Variants in WWOX observed in about 807,000 individuals in gnomAD.
The protein encoded by WWOX is WW domain containing oxidoreductase.
WWOX carries 69 observed loss-of-function variants against 46.2 expected under a neutral mutation model. The observed-to-expected ratio is 1.49, with a 90% CI of 1.23 to 1.82. The LOEUF (loss-of-function observed/expected upper bound fraction) is 1.82, where lower values mean the gene tolerates loss of function less well. WWOX is among the 40% of genes most tolerant of loss of function. The probability of loss-of-function intolerance (pLI) is 0.00; values close to 1 mark genes in which losing one functional copy is unlikely to be tolerated. For synonymous variants in WWOX, 359 were observed against 202.6 expected, an observed-to-expected ratio of 1.77 and a Z score of -6.56; for missense variants, 919 against 542.6, an observed-to-expected ratio of 1.69 and a Z score of -6.89.
At chr16:78,111,513 C>A (rs1048746402) in intron 3 of WWOX, among the ~76,000 whole-genome samples, 4 of 152,168 alleles carry the variant, frequency 2.6e-5, no homozygotes, top group African/African-American at 9.7e-5. Context: ...GCTCCTTGGT[C>A]AAGCGGTAAC....
At chr16:78,330,289 T>A (rs905908252) in intron 5 of WWOX, among the ~76,000 whole-genome samples, 6 of 152,178 alleles carry the variant, frequency 3.9e-5, no homozygotes, top group Non-Finnish European at 7.4e-5. Context: ...ATAAATTTTG[T>A]TACGTATATT....
At chr16:78,640,665 A>G (rs374710347) in intron 8 of WWOX, among the ~76,000 whole-genome samples, 1 of 152,148 alleles carries the variant, frequency 6.6e-6, no homozygotes, top group Non-Finnish European at 1.5e-5. Context: ...GGGGCCGGGC[A>G]TGGTGGCTCA....
At chr16:78,198,786 T>A (rs1005926502) in intron 5 of WWOX, among the ~76,000 whole-genome samples, 9 of 150,966 alleles carry the variant, frequency 6.0e-5, no homozygotes, top group African/African-American at 1.5e-4. Flanking sequence ...TGTAAACATT[T>A]TATATATATA....
intron 8 of WWOX, among the ~76,000 whole-genome samples, chr16:78,695,270 A>G (rs2048074420): frequency 6.6e-6 from 1 of 152,032 alleles, no homozygotes; most frequent in Non-Finnish European, 1.5e-5. Flanking sequence ...AGGCAATCAC[A>G]TATTTTAGGT....
chr16:78,153,194 A>C (rs1455718573), intron 4 of WWOX, among the ~76,000 whole-genome samples: 2 of 152,236 alleles, frequency 1.3e-5, no homozygotes, highest in Non-Finnish European at 2.9e-5. Flanking sequence ...CTACAGAAAC[A>C]GAGGTATGGA....
chr16:78,455,477 C>G lies in WWOX; in HGVS notation c.1056+22725C>G, dbSNP rs183291545. ...CCAAAATGGTGAAATGCCATCTCTA[C>G]TAAAAACACAAAAATTAGCTGGGTG... On this transcript the variant is annotated intron_variant, in intron 8 of 8. Transcript: ENST00000566780. 2.8e-4 allele frequency among the ~76,000 whole-genome samples: 42 copies of G among 151,634 alleles called. No homozygotes were observed. In the East Asian group the frequency reaches 7.0e-3, roughly 25 times the overall value.
chr16:78,384,835 T>A (rs184425740), intron 5 of WWOX, among the ~76,000 whole-genome samples: 1 of 152,160 alleles, frequency 6.6e-6, no homozygotes, highest in South Asian at 2.1e-4. Flanking sequence ...CTACCACCTT[T>A]CCTTAAAACT....
intron 4 of WWOX, among the ~76,000 whole-genome samples, chr16:78,149,077 G>T (rs1038913865): frequency 4.0e-5 from 6 of 151,870 alleles, no homozygotes; most frequent in African/African-American, 1.5e-4. Context: ...CTGTAACCTC[G>T]AATTCCTAAG....
In WWOX at chr16:78,483,056, C is replaced by T. The variant is rs11864836; in HGVS notation, c.1056+50304C>T. ...AGGGGTCCCTAGACATGAAGGGCCT[C>T]TTCAACCTACCTTTTGTTGGCTTCA... On this transcript the variant is annotated intron_variant, in intron 8 of 8. Transcript: ENST00000566780. Among the ~76,000 whole-genome samples the T allele has an allele frequency of 7.5e-4, 114 of 152,266 alleles. 1 individual carries two copies. The highest frequency in any genetic ancestry group is 2.6e-3 in the African/African-American group (109 of 41,556).
chr16:78,520,027 C>A (rs1270564695), intron 8 of WWOX, among the ~76,000 whole-genome samples: 2 of 152,174 alleles, frequency 1.3e-5, no homozygotes, highest in Admixed American at 6.5e-5. Flanking sequence ...CATACTGTGA[C>A]CATGCAGTCA....
At chr16:78,592,333 C>A (rs1051187348) in intron 8 of WWOX, among the ~76,000 whole-genome samples, 1 of 152,146 alleles carries the variant, frequency 6.6e-6, no homozygotes. Context: ...AGCATGATAA[C>A]AAATAAACAT....
chr16:78,852,722 G>T (rs528270835), intron 8 of WWOX, among the ~76,000 whole-genome samples: 1 of 152,136 alleles, frequency 6.6e-6, no homozygotes, highest in Non-Finnish European at 1.5e-5. Context: ...GCCCATATGC[G>T]CTGCCTACAG....
At chr16:78,978,073 C>A (rs1312907875) in intron 8 of WWOX, among the ~76,000 whole-genome samples, 1 of 152,202 alleles carries the variant, frequency 6.6e-6, no homozygotes, top group East Asian at 1.9e-4. Context: ...TACCTTCTGT[C>A]TCAGTAGGTT....
intron 8 of WWOX, among the ~76,000 whole-genome samples, chr16:79,113,993 C>T (rs1004510334): frequency 6.6e-5 from 10 of 152,120 alleles, no homozygotes; most frequent in East Asian, 3.9e-4. Flanking sequence ...GCGATGTGCT[C>T]GCATGGCACA....
chr16:78,653,495 A>G lies in WWOX; in HGVS notation c.1056+220743A>G, dbSNP rs556992637. Among the ~76,000 whole-genome samples, 22 of 152,348 alleles carry G rather than the reference A, an allele frequency of 1.4e-4. 1 individual carries two copies. The South Asian group carries it at 3.3e-3, about 23-fold the overall frequency. On this transcript the variant is annotated intron_variant, in intron 8 of 8. Transcript: ENST00000566780. The stretch of plus-strand genomic sequence containing the variant: ...TAGGTATGTGACCCAGTTCTGACCA[A>G]TGGATATGGAGGGTGCTTATGAGGA...
intron 8 of WWOX, among the ~76,000 whole-genome samples, chr16:78,630,655 T>G (rs554571823): frequency 6.6e-6 from 1 of 152,182 alleles, no homozygotes; most frequent in Non-Finnish European, 1.5e-5. Flanking sequence ...ATTCACCATT[T>G]CCCTGTGCTC....
intron 8 of WWOX, among the ~76,000 whole-genome samples, chr16:79,193,102 G>T (rs899696043): frequency 1.3e-5 from 2 of 152,206 alleles, no homozygotes; most frequent in African/African-American, 4.8e-5. Context: ...GGCAAGGCCA[G>T]CACTTTCCAT....
intron 8 of WWOX, among the ~76,000 whole-genome samples, chr16:78,860,338 C>G (rs1482023428): frequency 2.6e-5 from 4 of 152,192 alleles, no homozygotes; most frequent in Admixed American, 6.5e-5. Context: ...AATTCCCACA[C>G]TTGGCCCCCT....
intron 8 of WWOX, among the ~76,000 whole-genome samples, chr16:78,717,623 C>T (rs778318649): frequency 3.6e-4 from 55 of 152,066 alleles, no homozygotes; most frequent in Non-Finnish European, 6.9e-4. Context: ...ATAGGAGTTT[C>T]CCCAGACACA....
Sources: gnomAD v4.1 joint callset for allele counts (sites outside exome capture counted in the v4.1 genomes callset) on GRCh38, gnomAD v4.1.1 for gene constraint, MANE v1.5 for transcripts, NCBI Gene and HGNC (gene_info 2026-07-23, HGNC 2026-07-21) for gene names.